The following MMEL1 variants were observed in gnomAD, a reference collection of about 807,000 sequenced individuals.
MMEL1 encodes the protein membrane metalloendopeptidase like 1.
A neutral mutation model predicts 117.1 loss-of-function variants in MMEL1; 98 were observed. That is an observed-to-expected ratio of 0.84 (90% CI 0.71 to 0.99). The LOEUF (loss-of-function observed/expected upper bound fraction) is 0.99. Ranked by LOEUF, MMEL1 falls within the 50% of genes least tolerant of loss-of-function variation. MMEL1 has a pLI of 0.00. For missense variants in MMEL1, 1,014 were observed against 1,049.1 expected (o/e 0.97, Z 0.46); for synonymous variants, 390 against 415.1 (o/e 0.94, Z 0.74).
At chr1:2,619,130 T>A (rs1645250882) in intron 2 of MMEL1, among the ~76,000 whole-genome samples, 1 of 152,192 alleles carries the variant, frequency 6.6e-6, no homozygotes, top group Non-Finnish European at 1.5e-5. Flanking sequence ...TTGGATTTCT[T>A]TCACTGCCAG....
intron 2 of MMEL1, among the ~76,000 whole-genome samples, chr1:2,623,954 C>T (rs1198385006): frequency 6.6e-6 from 1 of 152,144 alleles, no homozygotes; most frequent in Admixed American, 6.5e-5. Context: ...TCCTTGTGGG[C>T]CCAGAATCCT....
chr1:2,594,396 C>A lies in MMEL1; in HGVS notation c.1736G>T (p.Arg579Leu). ...AVVNAFYSPN[R>L]NQIVFPAGIL... ...GGGGAGGAACTTACCAATCTGGTTT[C>A]GGTTTGGGGAGTAGAACGCATTGAC... The change falls in exon 18 of 24, where the codon CGA becomes CTA. Residue 579 changes from arginine (R) to leucine (L), a missense_variant. By Grantham distance (102) the Arg-to-Leu change is moderately radical. Coordinates refer to ENST00000378412, the MANE Select transcript of MMEL1 (RefSeq NM_033467.4). 1 of 1,551,774 alleles carries A rather than the reference C, an allele frequency of 6.4e-7. No individual in the cohort carries two copies. The highest frequency in any genetic ancestry group is 8.7e-7 in the Non-Finnish European group (1 of 1,147,002).
chr1:2,616,909 T>G (rs953743734), intron 2 of MMEL1, among the ~76,000 whole-genome samples: 3 of 152,208 alleles, frequency 2.0e-5, no homozygotes, highest in Admixed American at 2.0e-4. Flanking sequence ...CCAAGGAAAT[T>G]CACCAGATGC....
At chr1:2,616,196 G>C (rs945496873) in intron 2 of MMEL1, among the ~76,000 whole-genome samples, 7 of 152,012 alleles carry the variant, frequency 4.6e-5, no homozygotes, top group African/African-American at 1.7e-4. Context: ...ACAAAAATTA[G>C]CTGGGCATGA....
At position 2,592,721 on chromosome 1, in the gene MMEL1, C is replaced by T. The variant is rs1644756795; in HGVS notation, c.2002-1G>A. 2.5e-6 allele frequency: 4 copies of T among 1,612,200 alleles called. No individual in the cohort carries two copies. Among genetic ancestry groups the T allele is most frequent in the Non-Finnish European group, 3.4e-6 (4 of 1,179,316 alleles). On this transcript the variant is annotated splice_acceptor_variant, in intron 20 of 23. Transcript: ENST00000378412. LOFTEE classifies it high-confidence loss of function. ...CCCCAAGGGTGTTGAATCCGTTCAC[C>T]TGCGCACAGGAGACAGGATTGGGGC... is the stretch of plus-strand genomic sequence containing the variant.
At chr1:2,594,931 CG>C (rs1557521200) in intron 16 of MMEL1, 38 bp from the exon 17 acceptor site, 2 of 1,571,178 alleles carry the variant, frequency 1.3e-6, no homozygotes, top group Non-Finnish European at 1.8e-6. Context: ...ATGCTGGGGC[CG>C]GGCCCTCAGA....
At position 2,605,540 on chromosome 1, in the gene MMEL1, C is replaced by A. The variant is rs370709492; in HGVS notation, c.816+18G>T. ...GTGATGGGGGGGTCATCTGGCATTG[C>A]GGTGAGGACCCACCCACCTTCCGGT... On this transcript the variant is annotated intron_variant, in intron 9 of 23. Transcript: ENST00000378412. The A allele has an allele frequency of 1.1e-5, 18 of 1,605,378 alleles. No individual in the cohort carries two copies. Among genetic ancestry groups the A allele is most frequent in the Admixed American group, 1.7e-5 (1 of 59,732 alleles).
intron 3 of MMEL1, among the ~76,000 whole-genome samples, chr1:2,611,734 GCC>G (rs1461031062): frequency 6.6e-6 from 1 of 152,148 alleles, no homozygotes; most frequent in East Asian, 1.9e-4. Flanking sequence ...GCTGCCCCAG[GCC>G]CCAAGGGCTG....
Position 2,597,921 on chromosome 1 carries a change from G to A in MMEL1, c.1272+286C>T, listed in dbSNP as rs2764841. Reference sequence around the variant, plus strand: ...TCTGCTCCCGGGAAATCACCCCGCCGCCTCTTCAGGCCTTTAAGGTCTCAA... The same window carrying A: ...TCTGCTCCCGGGAAATCACCCCGCCACCTCTTCAGGCCTTTAAGGTCTCAA... On this transcript the variant is annotated intron_variant, in intron 13 of 23. Transcript: ENST00000378412. Among the ~76,000 whole-genome samples, 82,266 of 151,952 alleles carry A rather than the reference G, an allele frequency of 0.54. 23,873 individuals are homozygous for A. The highest frequency in any genetic ancestry group is 0.66 in the Non-Finnish European group (44,681 of 67,924).
intron 6 of MMEL1, among the ~76,000 whole-genome samples, chr1:2,608,193 G>A (rs1000735599): frequency 1.3e-5 from 2 of 152,084 alleles, no homozygotes; most frequent in African/African-American, 4.8e-5. Flanking sequence ...CCTAAAGCCA[G>A]GGTCCCAGCG....
At position 2,595,332 on chromosome 1, in the gene MMEL1, G is replaced by A. The variant is rs755639881; in HGVS notation, c.1528C>T (p.His510Tyr). Residue 510 changes from histidine (H) to tyrosine (Y), a missense_variant, in exon 16 of 24, where the codon CAC becomes TAC. Transcript: ENST00000378412. This position sits in a 1 kb window ranked among gnomAD's most constrained non-coding sequence, Gnocchi z 4.8. ...ATCTCCTCCAGGATGTAGTCAGGGTGCCCGATCTGCTCCCGGATGCTCATG... is the reference window on the plus strand; with the variant it reads ...ATCTCCTCCAGGATGTAGTCAGGGTACCCGATCTGCTCCCGGATGCTCATG... ...KAMSIREQIG[H>Y]PDYILEEMNR... 11 of 1,613,788 alleles carry A rather than the reference G, an allele frequency of 6.8e-6. No homozygotes were observed. In the South Asian group the frequency reaches 7.7e-5, roughly 11 times the overall value.
intron 1 of MMEL1, among the ~76,000 whole-genome samples, chr1:2,631,601 C>A (rs796269406): frequency 1.3e-5 from 2 of 152,204 alleles, no homozygotes; most frequent in African/African-American, 4.8e-5. Context: ...AGGTCCCTCG[C>A]TCCTCCCTTC....
chr1:2,632,783 G>T, intron 1 of MMEL1, 83 bp downstream of exon 1: 2 of 858,198 alleles, frequency 2.3e-6, no homozygotes, highest in Non-Finnish European at 1.4e-6. Flanking sequence ...GCCTGGAGAG[G>T]GTTTCAAGGC....
At chr1:2,609,296 C>T (rs779504639) in intron 6 of MMEL1, 43 bp downstream of exon 6, 2 of 1,577,578 alleles carry the variant, frequency 1.3e-6, no homozygotes, top group South Asian at 2.3e-5. Context: ...GGCAGCCCGC[C>T]CCCGTCCCCT....
intron 13 of MMEL1, among the ~76,000 whole-genome samples, chr1:2,597,960 G>A (rs536207484): frequency 4.6e-5 from 7 of 152,074 alleles, no homozygotes; most frequent in East Asian, 1.9e-4. Context: ...TCGCCTCCCC[G>A]GAGCAGTGCT....
intron 19 of MMEL1, among the ~76,000 whole-genome samples, chr1:2,593,514 T>G (rs1644778371): frequency 6.6e-6 from 1 of 152,188 alleles, no homozygotes; most frequent in Admixed American, 6.5e-5. Context: ...GCTGCTGTAT[T>G]GGGCAGTGTT....
chr1:2,612,049 C>T lies in MMEL1; in HGVS notation c.232+78G>A. 1 of 1,267,516 alleles carries T rather than the reference C, an allele frequency of 7.9e-7. No homozygotes were observed. Among genetic ancestry groups the T allele is most frequent in the Non-Finnish European group, 1.1e-6 (1 of 888,846 alleles). The allele number at this position is 1,267,516 out of a possible 1,614,324, so 78.5% of individuals were successfully genotyped here. On this transcript the variant is annotated intron_variant, in intron 3 of 23. Coordinates refer to ENST00000378412, the MANE Select transcript of MMEL1 (RefSeq NM_033467.4). The surrounding 1 kb of genome is among the most constrained non-coding windows in gnomAD (Gnocchi z 5.4). ...GGTTGGGCAGAACCCAGCCCCTGCC[C>T]CTCCACGGAGTCCCCCCACCTTGGG... is the stretch of plus-strand genomic sequence containing the variant.
At chr1:2,604,973 C>A (rs781731710) in intron 9 of MMEL1, among the ~76,000 whole-genome samples, 16 of 152,198 alleles carry the variant, frequency 1.1e-4, no homozygotes, top group Non-Finnish European at 2.4e-4. Flanking sequence ...CATAGCCCAC[C>A]TCCACCAGGA....
chr1:2,623,884 A>C (rs1239007014), intron 2 of MMEL1, among the ~76,000 whole-genome samples: 1 of 152,190 alleles, frequency 6.6e-6, no homozygotes, highest in East Asian at 1.9e-4. Flanking sequence ...AACCAGGCAA[A>C]TCCCCTGTTC....
Sources: gnomAD v4.1 joint callset for allele counts (sites outside exome capture counted in the v4.1 genomes callset) on GRCh38, gnomAD v4.1.1 for gene constraint, Gnocchi (gnomAD v3.1) non-coding constraint, MANE v1.5 for transcripts, NCBI Gene and HGNC (gene_info 2026-07-23, HGNC 2026-07-21) for gene names.